The following RYR3 variants were observed in gnomAD, a reference collection of about 807,000 sequenced individuals.
RYR3 encodes brain ryanodine receptor-calcium release channel.
Under a neutral mutation model 584.3 loss-of-function variants are expected in RYR3, and 207 were observed. That is an observed-to-expected ratio of 0.35 (90% confidence interval 0.32 to 0.40). RYR3 has a LOEUF of 0.40. RYR3 is among the 10% of genes least tolerant of loss of function. The probability of loss-of-function intolerance (pLI) is 1.00; values close to 1 mark genes in which losing one functional copy is unlikely to be tolerated. For missense variants in RYR3, 5,616 were observed against 6,089.2 expected (o/e 0.92, Z 2.59); for synonymous variants, 2,416 against 2,248.5 (o/e 1.07, Z -2.11).
At chr15:33,517,003 A>T (rs983870558) in intron 3 of RYR3, among the ~76,000 whole-genome samples, 39 of 152,046 alleles carry the variant, frequency 2.6e-4, no homozygotes, top group South Asian at 6.3e-4. Context: ...TATTATTATT[A>T]TTTTTTGAGA....
rs753622466 is a variant in RYR3, at chr15:33,562,931, A to G, written c.1067A>G (p.Gln356Arg). 67 of 1,613,776 alleles carry G rather than the reference A, an allele frequency of 4.2e-5. No individual in the cohort carries two copies. The Admixed American group carries it at 1.1e-3, about 26-fold the overall frequency. ...TATGGAGATTCTGTCTGCTTTGTGC[A>G]GCATATAGCCAGTGGTCTGTGGGTG... ...IKYGDSVCFV[Q>R]HIASGLWVTY... Residue 356 changes from glutamine to arginine, a missense_variant, in exon 11 of 104, where the codon CAG (glutamine) becomes CGG (arginine). Transcript: ENST00000634891.
chr15:33,777,726 GACTA>G (rs543540772), intron 64 of RYR3, among the ~76,000 whole-genome samples: 29 of 151,066 alleles, frequency 1.9e-4, no homozygotes, highest in African/African-American at 6.3e-4. Flanking sequence ...CTTCGTGTCT[GACTA>G]ACCTTCTAGA....
intron 20 of RYR3, among the ~76,000 whole-genome samples, chr15:33,628,142 G>A (rs2061087394): frequency 6.6e-6 from 1 of 152,194 alleles, no homozygotes; most frequent in African/African-American, 2.4e-5. Flanking sequence ...GGTTAGAAAT[G>A]GCCTGACTTG....
At chr15:33,591,392 C>A (rs891429375) in intron 16 of RYR3, among the ~76,000 whole-genome samples, 1 of 152,126 alleles carries the variant, frequency 6.6e-6, no homozygotes, top group Admixed American at 6.5e-5. Flanking sequence ...TCTTTGTAAT[C>A]CTCATAGCGC....
At chr15:33,706,244 T>G (rs1197719338) in intron 42 of RYR3, among the ~76,000 whole-genome samples, 1 of 152,218 alleles carries the variant, frequency 6.6e-6, no homozygotes, top group Non-Finnish European at 1.5e-5. Flanking sequence ...AAATATATAA[T>G]TTACTATCTT....
chr15:33,397,043 A>G (rs776429580), intron 1 of RYR3, among the ~76,000 whole-genome samples: 72 of 152,362 alleles, frequency 4.7e-4, no homozygotes, highest in Non-Finnish European at 9.0e-4. Context: ...TATGCCAGAG[A>G]AGGCAACAAT....
intron 1 of RYR3, among the ~76,000 whole-genome samples, chr15:33,421,514 G>A (rs529603581): frequency 6.6e-6 from 1 of 152,272 alleles, no homozygotes; most frequent in Admixed American, 6.5e-5. Context: ...GGCGAAGGAA[G>A]CCTCTAGGAT....
intron 51 of RYR3, among the ~76,000 whole-genome samples, chr15:33,741,065 G>A (rs1214354973): frequency 1.3e-5 from 2 of 152,232 alleles, no homozygotes; most frequent in Non-Finnish European, 2.9e-5. Flanking sequence ...GGATGCTTTT[G>A]AAAACGTTCT....
chr15:33,621,803 C>G (rs1495282), intron 19 of RYR3, among the ~76,000 whole-genome samples: 44,859 of 152,042 alleles, frequency 0.3, 7,604 homozygotes, highest in Non-Finnish European at 0.38. Context: ...GCTTTATTTT[C>G]CAGTTTCACG....
intron 1 of RYR3, among the ~76,000 whole-genome samples, chr15:33,405,482 A>T (rs1251465528): frequency 6.6e-6 from 1 of 152,210 alleles, no homozygotes; most frequent in East Asian, 1.9e-4. Context: ...GAGTTGAAGA[A>T]TTCTGGAGAC....
intron 30 of RYR3, among the ~76,000 whole-genome samples, chr15:33,648,601 AC>A (rs1161486260): frequency 3.9e-5 from 6 of 152,308 alleles, no homozygotes; most frequent in Non-Finnish European, 8.8e-5. Flanking sequence ...AGAAAAAAGC[AC>A]TAGACTTCCC....
chr15:33,488,354 T>C (rs916129007), intron 2 of RYR3, among the ~76,000 whole-genome samples: 4 of 152,150 alleles, frequency 2.6e-5, no homozygotes, highest in Non-Finnish European at 4.4e-5. Context: ...TACTTTGCTC[T>C]TTAGACCTAA....
intron 55 of RYR3, among the ~76,000 whole-genome samples, chr15:33,748,995 T>C (rs891744040): frequency 3.3e-5 from 5 of 152,192 alleles, no homozygotes; most frequent in African/African-American, 1.2e-4. Context: ...GCTGTATTGC[T>C]TAGAGAATAA....
rs1172621135 is a variant in RYR3, at chr15:33,390,817, G to C, written c.51+79721G>C. 1.3e-5 allele frequency among the ~76,000 whole-genome samples: 2 copies of C among 152,104 alleles called. No homozygotes were observed. The highest frequency in any genetic ancestry group is 2.9e-5 in the Non-Finnish European group (2 of 68,020). ...TACCCCAATAAAAACCCTGGATGCT[G>C]ACTCCATAATGGGATCCCCAGGCAG... On this transcript the variant is annotated intron_variant, in intron 1 of 103. Transcript: ENST00000634891. The surrounding 1 kb of genome is among the most constrained non-coding windows in gnomAD (Gnocchi z 4.2).
At chr15:33,837,092 A>G in intron 88 of RYR3, 105 bp downstream of exon 88, 1 of 946,006 alleles carries the variant, frequency 1.1e-6, no homozygotes, top group Non-Finnish European at 1.6e-6. Context: ...CTGATGCCAT[A>G]TGACATTGGT....
At chr15:33,802,070 A>T (rs2152931646) in intron 69 of RYR3, 109 bp downstream of exon 69, 1 of 795,988 alleles carries the variant, frequency 1.3e-6, no homozygotes, top group Non-Finnish European at 2.3e-6. Context: ...TTTAGGTCAA[A>T]CTACATGACC....
intron 32 of RYR3, among the ~76,000 whole-genome samples, chr15:33,658,029 C>T (rs1329806823): frequency 2.0e-5 from 3 of 152,192 alleles, no homozygotes; most frequent in Non-Finnish European, 4.4e-5. Flanking sequence ...ACTCACTATA[C>T]TCATTCTCTG....
In RYR3 at chr15:33,716,874, CAA is replaced by C. The variant is rs34280876; in HGVS notation, c.6620-5832_6620-5831del. On this transcript the variant is annotated intron_variant, in intron 43 of 103. Coordinates refer to ENST00000634891, the MANE Select transcript of RYR3 (RefSeq NM_001036.6). ...AAAACTAGAATTAAGCTGAATGAAA[CAA>C]AAAAAAAATCCACTTCATCAACATT... Among the ~76,000 whole-genome samples, 1,044 of 150,902 alleles carry C rather than the reference CAA, an allele frequency of 6.9e-3. 30 individuals carry two copies. In the East Asian group the frequency reaches 0.11, roughly 16 times the overall value.
At chr15:33,692,095 A>G (rs529321823) in intron 38 of RYR3, among the ~76,000 whole-genome samples, 67 of 152,318 alleles carry the variant, frequency 4.4e-4, no homozygotes, top group Admixed American at 1.2e-3. Context: ...TGTGCCATCC[A>G]TGGTTATATG....
Sources: allele counts gnomAD v4.1 joint callset (sites outside exome capture counted in the v4.1 genomes callset), GRCh38; gene constraint gnomAD v4.1.1; non-coding constraint Gnocchi (gnomAD v3.1); transcripts MANE v1.5; gene names NCBI Gene and HGNC (gene_info 2026-07-23, HGNC 2026-07-21).